Variants in RALGAPA1 observed in about 807,000 individuals in gnomAD.
The protein encoded by RALGAPA1 is ral GTPase-activating protein subunit alpha-1.
A neutral mutation model predicts 269.6 loss-of-function variants in RALGAPA1; 52 were observed. That is an observed-to-expected ratio of 0.19 (90% CI 0.15 to 0.24). The LOEUF is 0.24. RALGAPA1 is among the 10% of genes least tolerant of loss of function. The probability of loss-of-function intolerance (pLI) is 1.00; values close to 1 mark genes in which losing one functional copy is unlikely to be tolerated. For synonymous variants in RALGAPA1, 817 were observed against 1,008.3 expected (o/e 0.81, Z 3.60); for missense variants, 1,917 against 3,013.9 (o/e 0.64, Z 8.52).
intron 35 of RALGAPA1, among the ~76,000 whole-genome samples, chr14:35,615,515 T>C (rs1211657668): frequency 6.6e-6 from 1 of 152,338 alleles, no homozygotes; most frequent in South Asian, 2.1e-4. Context: ...CTTACTGTCA[T>C]GTAATTAGAA....
At chr14:35,782,481 G>A (rs2075503543) in intron 1 of RALGAPA1, among the ~76,000 whole-genome samples, 2 of 151,904 alleles carry the variant, frequency 1.3e-5, no homozygotes, top group African/African-American at 2.4e-5. Context: ...AGGCAGGAGT[G>A]CAGTGGCTCA....
intron 8 of RALGAPA1, among the ~76,000 whole-genome samples, chr14:35,751,805 AC>A (rs770245973): frequency 0.11 from 16,216 of 148,032 alleles, 979 homozygotes; most frequent in South Asian, 0.13. Context: ...AACAACAACA[AC>A]AACAACAAAA....
At position 35,594,438 on chromosome 14, in the gene RALGAPA1, G is replaced by A. The variant is rs551944066; in HGVS notation, c.7209+1196C>T. ...GTCAATAGCAGAAAAGCAAATAAACGGATTAAAAACTGGACCTAAACAGAC... is the reference window on the plus strand; with the variant it reads ...GTCAATAGCAGAAAAGCAAATAAACAGATTAAAAACTGGACCTAAACAGAC... On this transcript the variant is annotated intron_variant, in intron 37 of 41. Coordinates refer to ENST00000680220, the MANE Select transcript of RALGAPA1 (RefSeq NM_001346249.2). 1.4e-4 allele frequency among the ~76,000 whole-genome samples: 22 copies of A among 151,902 alleles called. 1 individual carries two copies. The South Asian group carries it at 3.3e-3, about 23-fold the overall frequency.
At chr14:35,666,871 T>C (rs533665195) in intron 26 of RALGAPA1, among the ~76,000 whole-genome samples, 2 of 152,284 alleles carry the variant, frequency 1.3e-5, no homozygotes, top group South Asian at 2.1e-4. Flanking sequence ...CATTGAACAG[T>C]AATAGTTTTC....
At chr14:35,610,459 T>A (rs990425093) in intron 35 of RALGAPA1, among the ~76,000 whole-genome samples, 5 of 152,046 alleles carry the variant, frequency 3.3e-5, no homozygotes, top group Non-Finnish European at 7.4e-5. Context: ...ATTTTTTGTA[T>A]TTTTAGTACA....
intron 13 of RALGAPA1, among the ~76,000 whole-genome samples, chr14:35,727,450 T>C (rs1428556952): frequency 6.6e-6 from 1 of 150,872 alleles, no homozygotes; most frequent in Non-Finnish European, 1.5e-5. Flanking sequence ...AGCTTTTTTC[T>C]TTTTTAAACT....
intron 33 of RALGAPA1, among the ~76,000 whole-genome samples, chr14:35,631,413 CA>C (rs2061352025): frequency 6.6e-6 from 1 of 151,726 alleles, no homozygotes; most frequent in Non-Finnish European, 1.5e-5. Flanking sequence ...AAATAAAAAG[CA>C]AAGATCAATG....
chr14:35,549,334 A>G, intron 39 of RALGAPA1, 100 bp from the exon 40 acceptor site: 1 of 1,195,194 alleles, frequency 8.4e-7, no homozygotes, highest in Non-Finnish European at 1.2e-6. Flanking sequence ...TTACTTCTTA[A>G]TAAATAGAAT....
chr14:35,578,694 A>T (rs2057744989), intron 37 of RALGAPA1, among the ~76,000 whole-genome samples: 2 of 152,214 alleles, frequency 1.3e-5, no homozygotes. Context: ...TCCTATCATT[A>T]CCCAGTACAT....
At chr14:35,647,221 TA>T (rs920519883) in intron 31 of RALGAPA1, among the ~76,000 whole-genome samples, 24 of 151,808 alleles carry the variant, frequency 1.6e-4, no homozygotes, top group African/African-American at 3.1e-4. Context: ...CACGTGATTT[TA>T]AAAAAAAATC....
At chr14:35,638,517 A>G (rs1283796229) in intron 31 of RALGAPA1, among the ~76,000 whole-genome samples, 1 of 152,202 alleles carries the variant, frequency 6.6e-6, no homozygotes, top group Non-Finnish European at 1.5e-5. Context: ...ATAATACCAG[A>G]GAAAATCACC....
Position 35,546,275 on chromosome 14 carries a change from G to A in RALGAPA1, c.*23+2233C>T, listed in dbSNP as rs148947868. The stretch of plus-strand genomic sequence containing the variant: ...TTTCTCGGATTTAAATGTCACCACA[G>A]TTGATTTGCACGTTACCGCTAACCA... On this transcript the variant is annotated intron_variant, in intron 41 of 41. Coordinates refer to ENST00000680220, the MANE Select transcript of RALGAPA1 (RefSeq NM_001346249.2). Among the ~76,000 whole-genome samples, 490 of 152,124 alleles carry A rather than the reference G, an allele frequency of 3.2e-3. 1 individual carries two copies. Among genetic ancestry groups the A allele is most frequent in the African/African-American group, 0.011 (457 of 41,522 alleles).
intron 1 of RALGAPA1, among the ~76,000 whole-genome samples, chr14:35,802,851 C>CT (rs1567266808): frequency 6.6e-6 from 1 of 151,560 alleles, no homozygotes; most frequent in Admixed American, 6.6e-5. Flanking sequence ...CCAGCTATTT[C>CT]TTTTTTTTCT....
At position 35,762,150 on chromosome 14, in the gene RALGAPA1, T is replaced by C. The variant is rs984007286; in HGVS notation, c.369+560A>G. ...TTCTGGGGACCATAAAGAGGAAAGATTGCTGGTGAATGAGTCCATTGAGTG... is the reference window on the plus strand; with the variant it reads ...TTCTGGGGACCATAAAGAGGAAAGACTGCTGGTGAATGAGTCCATTGAGTG... On this transcript the variant is annotated intron_variant, in intron 5 of 41. Transcript: ENST00000680220. Among the ~76,000 whole-genome samples the C allele has an allele frequency of 2.6e-5, 4 of 152,224 alleles. No homozygotes were observed. In the South Asian group the frequency reaches 8.3e-4, roughly 31 times the overall value.
At chr14:35,590,656 A>T (rs1454284792) in intron 37 of RALGAPA1, among the ~76,000 whole-genome samples, 2 of 152,246 alleles carry the variant, frequency 1.3e-5, no homozygotes, top group Admixed American at 6.5e-5. Flanking sequence ...CTGTGAGTCA[A>T]TTAAACCTCT....
intron 1 of RALGAPA1, among the ~76,000 whole-genome samples, chr14:35,806,855 A>AC (rs891445619): frequency 6.6e-6 from 1 of 152,192 alleles, no homozygotes; most frequent in Non-Finnish European, 1.5e-5. Flanking sequence ...TTGTCATTCT[A>AC]CTTTCTCTCA....
At chr14:35,632,886 A>C (rs955992579) in intron 33 of RALGAPA1, among the ~76,000 whole-genome samples, 2 of 152,158 alleles carry the variant, frequency 1.3e-5, no homozygotes, top group African/African-American at 4.8e-5. Flanking sequence ...ACATTAAAAA[A>C]CACCCAGAGC....
At chr14:35,589,652 A>G (rs746341189) in intron 37 of RALGAPA1, among the ~76,000 whole-genome samples, 1 of 152,158 alleles carries the variant, frequency 6.6e-6, no homozygotes, top group Non-Finnish European at 1.5e-5. Flanking sequence ...ATTGGGGTTT[A>G]AAAATTATGC....
rs1020266952 is a variant in RALGAPA1, at chr14:35,612,380, A to C, written c.6930-6671T>G. On this transcript the variant is annotated intron_variant, in intron 35 of 41. Transcript: ENST00000680220. ...AATGAAACTCTGTTTCAAAAAAAAA[A>C]AAAAAAAAAAAGAAGTCAGACTCTT... is the stretch of plus-strand genomic sequence containing the variant. Among the ~76,000 whole-genome samples the C allele has an allele frequency of 4.4e-4, 66 of 151,124 alleles. 1 individual carries two copies. Among genetic ancestry groups the C allele is most frequent in the African/African-American group, 1.4e-3 (57 of 41,056 alleles).
Sources: allele counts gnomAD v4.1 joint callset (sites outside exome capture counted in the v4.1 genomes callset), GRCh38; gene constraint gnomAD v4.1.1; transcripts MANE v1.5; gene names NCBI Gene and HGNC (gene_info 2026-07-23, HGNC 2026-07-21).